TAFA5: variants seen among roughly 807,000 people sequenced by gnomAD.
The protein encoded by TAFA5 is chemokine-like protein TAFA-5.
In TAFA5, 6 loss-of-function variants were observed where a neutral mutation model predicts 15.3. That is an observed-to-expected ratio of 0.39 (90% CI 0.21 to 0.77). TAFA5 has a LOEUF of 0.77. Among genes scored for constraint, TAFA5 ranks in the 30% least tolerant of loss-of-function variants. TAFA5 has a pLI of 0.41. For synonymous variants in TAFA5, 103 were observed against 80.7 expected (o/e 1.28, Z -1.48); for missense variants, 161 against 193.1 (o/e 0.83, Z 0.98).
At chr22:48,646,371 C>G (rs981558558) in intron 1 of TAFA5, among the ~76,000 whole-genome samples, 2 of 152,234 alleles carry the variant, frequency 1.3e-5, no homozygotes, top group African/African-American at 4.8e-5. Context: ...GAACACCAGG[C>G]TGCACACAGG....
At chr22:48,656,360 G>A (rs1468548019) in intron 2 of TAFA5, among the ~76,000 whole-genome samples, 8 of 151,992 alleles carry the variant, frequency 5.3e-5, no homozygotes, top group Non-Finnish European at 1.0e-4. Context: ...CAAAAAATGA[G>A]CTGGCTGTGG....
intron 1 of TAFA5, among the ~76,000 whole-genome samples, chr22:48,541,900 G>C (rs1177501546): frequency 6.6e-6 from 1 of 152,210 alleles, no homozygotes; most frequent in Admixed American, 6.5e-5. Flanking sequence ...CATGTTGGGG[G>C]CCACAGATAC....
At chr22:48,506,600 A>C (rs1921003771) in intron 1 of TAFA5, among the ~76,000 whole-genome samples, 1 of 152,176 alleles carries the variant, frequency 6.6e-6, no homozygotes, top group Non-Finnish European at 1.5e-5. Flanking sequence ...GGCCTCAGGC[A>C]GGGCCCCCTG....
intron 1 of TAFA5, among the ~76,000 whole-genome samples, chr22:48,519,411 G>A (rs1207127068): frequency 6.6e-6 from 1 of 152,224 alleles, no homozygotes; most frequent in Non-Finnish European, 1.5e-5. Flanking sequence ...GAATCGGAGC[G>A]TCCATGAAAC....
intron 1 of TAFA5, among the ~76,000 whole-genome samples, chr22:48,522,788 A>G (rs1921649686): frequency 6.6e-6 from 1 of 152,224 alleles, no homozygotes; most frequent in Admixed American, 6.5e-5. Context: ...AGTCGGCCCA[A>G]GGAGCCCACA....
intron 1 of TAFA5, among the ~76,000 whole-genome samples, chr22:48,515,705 C>T (rs1324950021): frequency 6.6e-6 from 1 of 152,204 alleles, no homozygotes; most frequent in Non-Finnish European, 1.5e-5. Flanking sequence ...GCGGGAGGCC[C>T]CCGGCTCCAG....
chr22:48,653,507 G>T (rs58721498), intron 2 of TAFA5, among the ~76,000 whole-genome samples: 3 of 152,316 alleles, frequency 2.0e-5, no homozygotes, highest in African/African-American at 7.2e-5. Flanking sequence ...CTGACTGCCC[G>T]GCCCGACCCA....
chr22:48,493,033 G>A (rs1465527382), intron 1 of TAFA5, among the ~76,000 whole-genome samples: 1 of 152,198 alleles, frequency 6.6e-6, no homozygotes, highest in Non-Finnish European at 1.5e-5. Context: ...CTGAAGATGT[G>A]ATCTTTCCAC....
At chr22:48,645,412 G>T (rs768929548) in intron 1 of TAFA5, among the ~76,000 whole-genome samples, 1 of 152,112 alleles carries the variant, frequency 6.6e-6, no homozygotes, top group African/African-American at 2.4e-5. Flanking sequence ...TCATCTTCCC[G>T]CACCTGAGAT....
At chr22:48,670,429 C>G (rs1248695940) in intron 2 of TAFA5, among the ~76,000 whole-genome samples, 2 of 147,500 alleles carry the variant, frequency 1.4e-5, no homozygotes, top group African/African-American at 4.9e-5. Context: ...CTGGTGGGCA[C>G]TGGGTAAACA....
chr22:48,711,259 T>C (rs1929243693), intron 3 of TAFA5, among the ~76,000 whole-genome samples: 1 of 152,024 alleles, frequency 6.6e-6, no homozygotes, highest in Non-Finnish European at 1.5e-5. Flanking sequence ...CGGCTCTGCT[T>C]TCCTGGGGGA....
intron 1 of TAFA5, among the ~76,000 whole-genome samples, chr22:48,601,539 C>T (rs1924973727): frequency 6.6e-6 from 1 of 152,112 alleles, no homozygotes; most frequent in Non-Finnish European, 1.5e-5. Context: ...GTTGGCCAGG[C>T]TGGTCTCAAA....
intron 1 of TAFA5, among the ~76,000 whole-genome samples, chr22:48,586,375 C>T (rs1332039268): frequency 3.3e-5 from 5 of 152,228 alleles, no homozygotes; most frequent in South Asian, 4.1e-4. Context: ...ACCTTTGGGA[C>T]GAGGAAGCCC....
rs139371405 is a variant in TAFA5, at chr22:48,749,926, G to A, written c.*79G>A. ...ACGTCTCAGCCACAGTTCTCCACTC[G>A]CCTCGGACTTCACCCGTTCTCTGCC... On this transcript the variant is annotated 3_prime_UTR_variant, in exon 4 of 4. Transcript: ENST00000402357. 11 of 1,349,698 alleles carry A rather than the reference G, an allele frequency of 8.1e-6. No individual in the cohort carries two copies. The East Asian group carries it at 1.0e-4, about 12-fold the overall frequency. 83.6% of individuals were successfully genotyped at this position (1,349,698 alleles called of 1,614,324 possible).
intron 2 of TAFA5, among the ~76,000 whole-genome samples, chr22:48,654,334 T>A (rs1927162265): frequency 6.6e-6 from 1 of 152,146 alleles, no homozygotes; most frequent in Admixed American, 6.5e-5. Context: ...CTCGAACTCT[T>A]GAAGCCTGCC....
intron 1 of TAFA5, among the ~76,000 whole-genome samples, chr22:48,500,831 G>A (rs954051838): frequency 2.0e-5 from 3 of 152,220 alleles, no homozygotes; most frequent in Non-Finnish European, 4.4e-5. Context: ...GTGGGGATGG[G>A]CCTGGCCCTG....
chr22:48,623,470 G>A (rs970694954), intron 1 of TAFA5, among the ~76,000 whole-genome samples: 1 of 152,336 alleles, frequency 6.6e-6, no homozygotes, highest in South Asian at 2.1e-4. Context: ...CCTGTGGGAC[G>A]GGACGCAGCC....
At chr22:48,508,631 A>T (rs1569162565) in intron 1 of TAFA5, among the ~76,000 whole-genome samples, 1 of 152,200 alleles carries the variant, frequency 6.6e-6, no homozygotes, top group Non-Finnish European at 1.5e-5. Flanking sequence ...CGTTCCCTGT[A>T]ACAACCTAAC....
rs1312941133 is a variant in TAFA5 at position 48,530,965 on chromosome 22, C to T, written c.112+41261C>T. Among the ~76,000 whole-genome samples, 2 of 152,178 alleles carry T rather than the reference C, an allele frequency of 1.3e-5. No individual in the cohort carries two copies. Among genetic ancestry groups the T allele is most frequent in the African/African-American group, 4.8e-5 (2 of 41,452 alleles). On this transcript the variant is annotated intron_variant, in intron 1 of 3. Coordinates refer to ENST00000402357, the MANE Select transcript of TAFA5 (RefSeq NM_001082967.3). The surrounding 1 kb of genome is among the most constrained non-coding windows in gnomAD (Gnocchi z 6.0). ...CCCCTGTGCAAAGTGGTGCCCCTGC[C>T]CGCCCCGACCCCAGCCTTGTTAGGG...
Sources: gnomAD v4.1 joint callset for allele counts (sites outside exome capture counted in the v4.1 genomes callset) on GRCh38, gnomAD v4.1.1 for gene constraint, Gnocchi (gnomAD v3.1) non-coding constraint, MANE v1.5 for transcripts, NCBI Gene and HGNC (gene_info 2026-07-23, HGNC 2026-07-21) for gene names.